Variants in PCDHGA1 observed in about 807,000 individuals in gnomAD.
PCDHGA1 encodes protocadherin gamma-A1.
In PCDHGA1, 32 loss-of-function variants were observed where a neutral mutation model predicts 58.0. The observed-to-expected ratio is 0.55, with a 90% confidence interval of 0.42 to 0.74. The LOEUF (loss-of-function observed/expected upper bound fraction) is 0.74. Ranked by LOEUF, PCDHGA1 falls within the 30% of genes least tolerant of loss-of-function variation. PCDHGA1 has a pLI of 0.00. For synonymous variants in PCDHGA1, 498 were observed against 501.1 expected (o/e 0.99, Z 0.08); for missense variants, 1,205 against 1,182.3 (o/e 1.02, Z -0.28).
At chr5:141,376,670 G>A in intron 1 of PCDHGA1, 1 of 694,802 alleles carries the variant, frequency 1.4e-6, no homozygotes, top group Non-Finnish European at 2.2e-6. Context: ...TTCAGGTGAG[G>A]GTATCGTTTT....
chr5:141,341,191 T>C, intron 1 of PCDHGA1: 1 of 1,614,226 alleles, frequency 6.2e-7, no homozygotes, highest in Non-Finnish European at 8.5e-7. Context: ...GCTCGCACTT[T>C]GTGGGCGTGG....
At chr5:141,482,371 T>C (rs1191880709) in intron 1 of PCDHGA1, among the ~76,000 whole-genome samples, 2 of 152,100 alleles carry the variant, frequency 1.3e-5, no homozygotes, top group African/African-American at 2.4e-5. Flanking sequence ...AAGTAATGCA[T>C]ATAAAGTCCC....
At chr5:141,345,430 C>T (rs1187781707) in intron 1 of PCDHGA1, 2 of 1,614,044 alleles carry the variant, frequency 1.2e-6, no homozygotes, top group Non-Finnish European at 1.7e-6. Flanking sequence ...GAAAACAACC[C>T]CAGAGGAGCC....
At chr5:141,365,896 T>G (rs1764191904) in intron 1 of PCDHGA1, 1 of 1,614,094 alleles carries the variant, frequency 6.2e-7, no homozygotes. Context: ...CCTTCGACTA[T>G]GAGCAGTTGA....
chr5:141,418,513 G>A (rs377653202), intron 1 of PCDHGA1: 1 of 1,613,960 alleles, frequency 6.2e-7, no homozygotes, highest in Non-Finnish European at 8.5e-7. Flanking sequence ...TAGATGGTGG[G>A]GACCCTCCCC....
intron 1 of PCDHGA1, chr5:141,388,813 T>G: frequency 6.2e-7 from 1 of 1,613,884 alleles, no homozygotes; most frequent in Non-Finnish European, 8.5e-7. Flanking sequence ...TTTGAAGAAG[T>G]CAAAGAATAT....
chr5:141,496,234 T>C (rs2154591884), intron 2 of PCDHGA1, among the ~76,000 whole-genome samples: 1 of 152,232 alleles, frequency 6.6e-6, no homozygotes, highest in Middle Eastern at 3.4e-3. Context: ...AGGAACCCCC[T>C]GCGGGCTGAA....
At chr5:141,346,375 G>C in intron 1 of PCDHGA1, 1 of 1,614,250 alleles carries the variant, frequency 6.2e-7, no homozygotes, top group Non-Finnish European at 8.5e-7. Flanking sequence ...ACGCTCATCA[G>C]CCAGGAGAGC....
intron 1 of PCDHGA1, among the ~76,000 whole-genome samples, chr5:141,471,996 G>A (rs2099268647): frequency 6.6e-6 from 1 of 152,006 alleles, no homozygotes; most frequent in Admixed American, 6.6e-5. Context: ...AAAAATCCCT[G>A]CATCGTATAG....
intron 1 of PCDHGA1, chr5:141,372,805 A>C: frequency 6.3e-7 from 1 of 1,592,964 alleles, no homozygotes; most frequent in Non-Finnish European, 8.6e-7. Flanking sequence ...GGCAATTTGC[A>C]AAAGGTGAGT....
intron 1 of PCDHGA1, chr5:141,410,663 T>C (rs2095415377): frequency 6.4e-7 from 1 of 1,570,102 alleles, no homozygotes; most frequent in Non-Finnish European, 8.6e-7. Flanking sequence ...AATAGTCTAC[T>C]AGTTTCTCAT....
At chr5:141,510,334 C>G (rs1463634534) in intron 3 of PCDHGA1, among the ~76,000 whole-genome samples, 1 of 151,448 alleles carries the variant, frequency 6.6e-6, no homozygotes, top group African/African-American at 2.4e-5. Context: ...TCTTCACCCC[C>G]ACCCCACACA....
intron 1 of PCDHGA1, chr5:141,421,518 TGA>T: frequency 6.2e-7 from 1 of 1,614,058 alleles, no homozygotes; most frequent in Non-Finnish European, 8.5e-7. Flanking sequence ...AGGAGCTCTG[TGA>T]GACGGTGTCC....
intron 1 of PCDHGA1, chr5:141,408,182 C>G: frequency 6.5e-7 from 1 of 1,537,898 alleles, no homozygotes; most frequent in Non-Finnish European, 8.8e-7. Flanking sequence ...AGCGGGGACC[C>G]AGCGAGAACC....
chr5:141,478,847 AAC>A (rs2099480409), intron 1 of PCDHGA1: 1 of 1,389,782 alleles, frequency 7.2e-7, no homozygotes, highest in South Asian at 1.5e-5. Context: ...GTTAAGCTAA[AAC>A]ACAAGATCTC....
intron 1 of PCDHGA1, chr5:141,365,567 GA>G: frequency 6.2e-7 from 1 of 1,613,698 alleles, no homozygotes; most frequent in Non-Finnish European, 8.5e-7. Flanking sequence ...CCTGGACAGA[GA>G]AGAGACTTCA....
In PCDHGA1 at chr5:141,486,518, A is replaced by G; in HGVS notation, c.2422-8289A>G. The G allele has an allele frequency of 6.2e-7, 1 of 1,614,132 alleles. No homozygotes were observed. Among genetic ancestry groups the G allele is most frequent in the Non-Finnish European group, 8.5e-7 (1 of 1,179,996 alleles). On this transcript the variant is annotated intron_variant, in intron 1 of 3. Coordinates refer to ENST00000517417, the MANE Select transcript of PCDHGA1 (RefSeq NM_018912.3). The surrounding 1 kb of genome is among the most constrained non-coding windows in gnomAD (Gnocchi z 5.0). ...TATTTTCCTCAATATTTCAGATGTG[A>G]ATGATAATCCACCCTCTTTCTTTCA...
chr5:141,364,350 G>C (rs1275891142), intron 1 of PCDHGA1: 2 of 1,550,364 alleles, frequency 1.3e-6, no homozygotes, highest in South Asian at 2.5e-5. Flanking sequence ...CCACCTAGGG[G>C]CTGGGGCTGC....
intron 1 of PCDHGA1, chr5:141,407,888 C>T (rs769893466): frequency 2.6e-6 from 1 of 388,626 alleles, no homozygotes; most frequent in Non-Finnish European, 4.6e-6. Flanking sequence ...TTTCGGAGAC[C>T]GAATTCAAAA....
Sources: allele counts gnomAD v4.1 joint callset (sites outside exome capture counted in the v4.1 genomes callset), GRCh38; gene constraint gnomAD v4.1.1; non-coding constraint Gnocchi (gnomAD v3.1); transcripts MANE v1.5; gene names NCBI Gene and HGNC (gene_info 2026-07-23, HGNC 2026-07-21).